TRIM5: variants seen among roughly 807,000 people sequenced by gnomAD.
TRIM5 encodes tripartite motif-containing protein 5.
In TRIM5, 31 loss-of-function variants were observed where a neutral mutation model predicts 35.6. That is an observed-to-expected ratio of 0.87 (90% CI 0.65 to 1.18). TRIM5 has a LOEUF of 1.18. Among genes scored for constraint, TRIM5 ranks in the 50% most tolerant of loss-of-function variants. The probability of loss-of-function intolerance (pLI) is 0.00; values close to 1 mark genes in which losing one functional copy is unlikely to be tolerated. For synonymous variants in TRIM5, 243 were observed against 215.6 expected, an observed-to-expected ratio of 1.13 and a Z score of -1.11; for missense variants, 609 against 591.6, an observed-to-expected ratio of 1.03 and a Z score of -0.31.
chr11:5,598,779 T>C, the TRIM5 span, among the ~76,000 whole-genome samples: 4,691 of 152,320 alleles, frequency 0.031, 92 homozygotes, highest in South Asian at 0.098. Flanking sequence ...TTAATTTTTC[T>C]TGTATTTTTT....
chr11:5,644,918 G>T, the TRIM5 span, among the ~76,000 whole-genome samples: 1 of 152,170 alleles, frequency 6.6e-6, no homozygotes, highest in Non-Finnish European at 1.5e-5. Context: ...CATTCTTGCT[G>T]TGAGTTCTTG....
the TRIM5 span, chr11:5,605,219 C>CAGAGGGTAAAAG: frequency 2.2e-6 from 3 of 1,352,524 alleles, no homozygotes; most frequent in Non-Finnish European, 3.1e-6. Context: ...ATTTACCCTC[C>CAGAGGGTAAAAG]CTCTCCCTGG....
chr11:5,657,489 T>TTATATA, the TRIM5 span, among the ~76,000 whole-genome samples: 2 of 138,292 alleles, frequency 1.4e-5, no homozygotes, highest in Admixed American at 8.0e-5. Flanking sequence ...TATAATGCAT[T>TTATATA]TATATATATA....
the TRIM5 span, chr11:5,610,288 T>C: frequency 4.7e-4 from 760 of 1,613,002 alleles, 3 homozygotes; most frequent in Middle Eastern, 3.0e-3. Flanking sequence ...GAAATTACTG[T>C]CGTGGGAAGA....
chr11:5,642,769 T>A, the TRIM5 span: 1 of 1,612,612 alleles, frequency 6.2e-7, no homozygotes, highest in Non-Finnish European at 8.5e-7. Context: ...GTATCAGTGC[T>A]TACTCCTTTG....
chr11:5,633,654 T>A, the TRIM5 span: 2 of 667,918 alleles, frequency 3.0e-6, no homozygotes. Context: ...CTCCTCAAAA[T>A]TTTCCCCATG....
the TRIM5 span, chr11:5,632,496 C>A: frequency 1.2e-6 from 2 of 1,614,042 alleles, no homozygotes; most frequent in Non-Finnish European, 1.7e-6. Flanking sequence ...GAAAAAGCAG[C>A]TGTCCTGTGT....
the TRIM5 span, among the ~76,000 whole-genome samples, chr11:5,650,845 T>C: frequency 3.9e-5 from 6 of 152,342 alleles, no homozygotes; most frequent in East Asian, 5.8e-4. Context: ...TTGAAAAAGA[T>C]AGTAGGTATC....
chr11:5,606,545 T>G, the TRIM5 span, among the ~76,000 whole-genome samples: 1 of 152,198 alleles, frequency 6.6e-6, no homozygotes, highest in Non-Finnish European at 1.5e-5. Flanking sequence ...GGTCTTAGTA[T>G]TAGAGCCATG....
At chr11:5,620,377 C>T in the TRIM5 span, among the ~76,000 whole-genome samples, 8 of 151,528 alleles carry the variant, frequency 5.3e-5, no homozygotes, top group South Asian at 1.7e-3. Context: ...CGGGGTTTCA[C>T]CATGTTGGCC....
intron 4 of TRIM5, among the ~76,000 whole-genome samples, chr11:5,674,240 T>A (rs1355121544): frequency 2.0e-5 from 3 of 152,154 alleles, no homozygotes; most frequent in Admixed American, 2.0e-4. Flanking sequence ...CAGATGGATG[T>A]CAGCAAAATA....
At chr11:5,592,914 C>CAAAAAAAAAAAAA in the TRIM5 span, among the ~76,000 whole-genome samples, 14 of 66,846 alleles carry the variant, frequency 2.1e-4, no homozygotes, top group African/African-American at 3.2e-4. Context: ...GAGATTGTCT[C>CAAAAAAAAAAAAA]AAAAAAAAAA....
At chr11:5,674,603 T>A (rs868056464) in intron 4 of TRIM5, among the ~76,000 whole-genome samples, 7 of 152,224 alleles carry the variant, frequency 4.6e-5, no homozygotes, top group South Asian at 2.1e-4. Flanking sequence ...TATCTATGGA[T>A]AAGCCTCCAG....
At chr11:5,625,616 C>T in the TRIM5 span, among the ~76,000 whole-genome samples, 1 of 152,306 alleles carries the variant, frequency 6.6e-6, no homozygotes, top group South Asian at 2.1e-4. Context: ...TGTGGCCATC[C>T]TCACGTATTC....
chr11:5,666,115 A>G, intron 5 of TRIM5, 34 bp from the exon 6 acceptor site: 1 of 1,517,648 alleles, frequency 6.6e-7, no homozygotes, highest in African/African-American at 1.4e-5. Context: ...AAACTTCCAA[A>G]CCTTTGACCT....
At chr11:5,669,397 G>A (rs996547867) in intron 4 of TRIM5, among the ~76,000 whole-genome samples, 2 of 152,108 alleles carry the variant, frequency 1.3e-5, no homozygotes, top group African/African-American at 4.8e-5. Context: ...ATTCTTAATG[G>A]TTTTAGGTAA....
chr11:5,632,818 CA>C, the TRIM5 span: 1 of 929,076 alleles, frequency 1.1e-6, no homozygotes, highest in Non-Finnish European at 1.5e-6. Context: ...CTCACCTTTT[CA>C]TCCTTTTTTT....
chr11:5,625,394 C>G, the TRIM5 span, among the ~76,000 whole-genome samples: 1 of 152,204 alleles, frequency 6.6e-6, no homozygotes, highest in Non-Finnish European at 1.5e-5. Context: ...CTCTCTTTCT[C>G]TCTCTCAAAG....
chr11:5,642,853 A>T, the TRIM5 span: 2 of 1,613,802 alleles, frequency 1.2e-6, no homozygotes, highest in African/African-American at 2.7e-5. Flanking sequence ...GGTAAGAAAA[A>T]GTTAGTCTTT....
Sources: gnomAD v4.1 joint callset for allele counts (sites outside exome capture counted in the v4.1 genomes callset) on GRCh38, gnomAD v4.1.1 for gene constraint, MANE v1.5 for transcripts, NCBI Gene and HGNC (gene_info 2026-07-23, HGNC 2026-07-21) for gene names.